Variants in ZNF280C observed in about 807,000 individuals in gnomAD.
ZNF280C encodes zinc finger protein 280C, also known as suppressor of hairy wing homolog 3.
Under a neutral mutation model 53.6 loss-of-function variants are expected in ZNF280C, and 14 were observed. The observed-to-expected ratio is 0.26, with a 90% CI of 0.17 to 0.41. The LOEUF (loss-of-function observed/expected upper bound fraction) is 0.41, where lower values mean the gene tolerates loss of function less well. Among genes scored for constraint, ZNF280C ranks in the 10% least tolerant of loss-of-function variants. The pLI is 1.00. For missense variants in ZNF280C, 416 were observed against 547.1 expected (o/e 0.76, Z 2.39); for synonymous variants, 203 against 181.1 (o/e 1.12, Z -0.97).
intron 15 of ZNF280C, 56 bp from the exon 16 acceptor site, chrX:130,209,771 TA>T: frequency 1.0e-6 from 1 of 957,620 alleles, no homozygotes; most frequent in East Asian, 3.1e-5. Flanking sequence ...AACACCATAT[TA>T]ATTTTCTGAC....
intron 1 of ZNF280C, among the ~76,000 whole-genome samples, chrX:130,268,517 G>A (rs1200246111): frequency 2.7e-5 from 3 of 111,814 alleles, no homozygotes; most frequent in Non-Finnish European, 5.7e-5. Flanking sequence ...ACCACTGCCC[G>A]CCGCGGGCCG....
intron 2 of ZNF280C, among the ~76,000 whole-genome samples, chrX:130,251,939 C>T (rs956955032): frequency 9.0e-6 from 1 of 111,138 alleles, no homozygotes; most frequent in East Asian, 2.8e-4. Flanking sequence ...CATGGCGAAA[C>T]CCCGTCTCTA....
chrX:130,225,396 A>G (rs2032210425), intron 12 of ZNF280C, among the ~76,000 whole-genome samples: 1 of 111,081 alleles, frequency 9.0e-6, no homozygotes, highest in African/African-American at 3.3e-5. Context: ...TAAAGGGCTC[A>G]AAGGTTAAAA....
At chrX:130,214,654 G>A (rs2032080064) in intron 15 of ZNF280C, among the ~76,000 whole-genome samples, 2 of 111,490 alleles carry the variant, frequency 1.8e-5, no homozygotes, top group African/African-American at 3.3e-5. Flanking sequence ...ATATCCTGCT[G>A]TATACTTTAA....
chrX:130,261,804 C>CTT (rs746162622), intron 1 of ZNF280C, among the ~76,000 whole-genome samples: 1 of 107,546 alleles, frequency 9.3e-6, no homozygotes, highest in Non-Finnish European at 1.9e-5. Flanking sequence ...TCATATAACA[C>CTT]TTTTTTTTTT....
intron 1 of ZNF280C, 22 bp downstream of exon 1, chrX:130,268,740 G>A (rs1181968083): frequency 8.9e-6 from 1 of 112,520 alleles, no homozygotes; most frequent in Non-Finnish European, 1.9e-5. Context: ...GCGCGGCACA[G>A]GCGGGGGCGG....
chrX:130,246,809 T>C, intron 3 of ZNF280C, 50 bp downstream of exon 3: 4 of 1,181,224 alleles, frequency 3.4e-6, no homozygotes, highest in Non-Finnish European at 1.1e-6. Flanking sequence ...TATTTTCCAT[T>C]AGAAACAACC....
At chrX:130,221,350 T>A (rs776925481) in intron 12 of ZNF280C, among the ~76,000 whole-genome samples, 1 of 111,422 alleles carries the variant, frequency 9.0e-6, no homozygotes, top group East Asian at 2.8e-4. Context: ...TCCCGCAGAG[T>A]ACAGTTCCCA....
In ZNF280C at chrX:130,205,417, T is replaced by C; in HGVS notation, c.2043-2A>G. 8.8e-7 allele frequency: 1 copy of C among 1,132,396 alleles called. No homozygotes were observed. Among genetic ancestry groups the C allele is most frequent in the Non-Finnish European group, 1.2e-6 (1 of 837,061 alleles). 93.3% of individuals were successfully genotyped at this position (1,132,396 alleles called of 1,213,427 possible). Reference sequence around the variant, plus strand: ...TTAAGGCACACTAGAGTAATGCCCCTATGAAAAAAAAGAAGACAGTAAGAA... The same window carrying C: ...TTAAGGCACACTAGAGTAATGCCCCCATGAAAAAAAAGAAGACAGTAAGAA... On this transcript the variant is annotated splice_acceptor_variant, in intron 16 of 18. Coordinates refer to ENST00000370978, the MANE Select transcript of ZNF280C (RefSeq NM_017666.5). LOFTEE classifies it high-confidence loss of function.
chrX:130,260,463 C>T lies in ZNF280C; in HGVS notation c.-14G>A, dbSNP rs2032619806. The T allele has an allele frequency of 8.4e-7, 1 of 1,190,806 alleles. No individual in the cohort carries two copies. Among genetic ancestry groups the T allele is most frequent in the Non-Finnish European group, 1.1e-6 (1 of 883,307 alleles). On this transcript the variant is annotated splice_region_variant and 5_prime_UTR_variant, in exon 2 of 19. Transcript: ENST00000370978. Reference sequence around the variant, plus strand: ...GTCGTCATCCATGAAGTTGCAAGGTCACCTAAGTACGAACACATGACATCA... The same window carrying T: ...GTCGTCATCCATGAAGTTGCAAGGTTACCTAAGTACGAACACATGACATCA...
At chrX:130,236,121 C>G in intron 8 of ZNF280C, 93 bp downstream of exon 8, 1 of 512,893 alleles carries the variant, frequency 1.9e-6, no homozygotes, top group South Asian at 6.1e-5. Context: ...CTCTAAATAT[C>G]TGGATAAACC....
At chrX:130,238,053 A>T (rs1179325868) in intron 6 of ZNF280C, among the ~76,000 whole-genome samples, 4 of 111,251 alleles carry the variant, frequency 3.6e-5, no homozygotes, top group South Asian at 7.4e-4. Context: ...GGTGTTCCCT[A>T]CCTCAACTCT....
chrX:130,260,569 G>T, intron 1 of ZNF280C, 104 bp from the exon 2 acceptor site: 1 of 534,357 alleles, frequency 1.9e-6, no homozygotes, highest in Admixed American at 3.3e-5. Flanking sequence ...GTCTAATTTT[G>T]ATCTCCAGCA....
At chrX:130,259,161 G>A (rs1001331892) in intron 2 of ZNF280C, among the ~76,000 whole-genome samples, 2 of 111,840 alleles carry the variant, frequency 1.8e-5, no homozygotes, top group African/African-American at 3.2e-5. Context: ...CTATTTCTTA[G>A]TGTGCCTTAA....
chrX:130,211,639 T>C (rs1296624769), intron 15 of ZNF280C, among the ~76,000 whole-genome samples: 1 of 110,643 alleles, frequency 9.0e-6, no homozygotes, highest in East Asian at 2.8e-4. Context: ...CTCAGAAGAG[T>C]AGAAGTGGAA....
intron 13 of ZNF280C, among the ~76,000 whole-genome samples, chrX:130,216,946 G>A (rs944706318): frequency 9.9e-5 from 11 of 111,669 alleles, no homozygotes; most frequent in African/African-American, 3.6e-4. Flanking sequence ...GTTGCAGTGT[G>A]CCAAGATCGC....
chrX:130,208,144 T>A (rs2031998255), intron 16 of ZNF280C, among the ~76,000 whole-genome samples: 4 of 111,994 alleles, frequency 3.6e-5, no homozygotes, highest in South Asian at 7.4e-4. Context: ...TTTAAAAAAA[T>A]TTTTTGAGAC....
At chrX:130,236,768 G>A in intron 6 of ZNF280C, 129 bp from the exon 7 acceptor site, 2 of 380,512 alleles carry the variant, frequency 5.3e-6, no homozygotes, top group Admixed American at 5.3e-5. Flanking sequence ...CTAAGTTAAA[G>A]GTAATATAAT....
intron 15 of ZNF280C, among the ~76,000 whole-genome samples, chrX:130,213,123 G>C (rs2032057945): frequency 8.9e-6 from 1 of 111,745 alleles, no homozygotes; most frequent in African/African-American, 3.3e-5. Flanking sequence ...GGAGGCCGAG[G>C]CGGGCGGATC....
Sources: allele counts gnomAD v4.1 joint callset (sites outside exome capture counted in the v4.1 genomes callset), GRCh38; gene constraint gnomAD v4.1.1; transcripts MANE v1.5; gene names NCBI Gene and HGNC (gene_info 2026-07-23, HGNC 2026-07-21).